IFRD1: variants seen among roughly 807,000 people sequenced by gnomAD.
IFRD1 encodes the protein interferon-related developmental regulator 1.
In IFRD1, 35 loss-of-function variants were observed where a neutral mutation model predicts 52.9. The observed-to-expected ratio is 0.66, with a 90% CI of 0.51 to 0.88. The LOEUF (loss-of-function observed/expected upper bound fraction) is 0.88, where lower values mean the gene tolerates loss of function less well. Among genes scored for constraint, IFRD1 ranks in the 40% least tolerant of loss-of-function variants. The pLI is 0.00. For synonymous variants in IFRD1, 184 were observed against 188.4 expected, an observed-to-expected ratio of 0.98 and a Z score of 0.19; for missense variants, 517 against 550.8, an observed-to-expected ratio of 0.94 and a Z score of 0.61.
intron 8 of IFRD1, among the ~76,000 whole-genome samples, chr7:112,463,414 C>T (rs1391397434): frequency 1.3e-5 from 2 of 152,108 alleles, no homozygotes; most frequent in African/African-American, 4.8e-5. Flanking sequence ...ATTCATATTC[C>T]ATTCTAGGCC....
chr7:112,445,271 T>G (rs1195929160), intron 1 of IFRD1, among the ~76,000 whole-genome samples: 1 of 151,978 alleles, frequency 6.6e-6, no homozygotes, highest in Non-Finnish European at 1.5e-5. Context: ...TTTCACCGTG[T>G]TAGCCAGGAT....
upstream of IFRD1, among the ~76,000 whole-genome samples, chr7:112,448,706 G>A (rs952869016): frequency 4.6e-5 from 7 of 152,228 alleles, no homozygotes; most frequent in African/African-American, 9.6e-5. Context: ...TGAGTAGGCC[G>A]TGTGGGGAGG....
chr7:112,465,187 CTG>C (rs1182932465), intron 8 of IFRD1, among the ~76,000 whole-genome samples: 1 of 152,164 alleles, frequency 6.6e-6, no homozygotes, highest in Non-Finnish European at 1.5e-5. Flanking sequence ...TACAGAGCCA[CTG>C]TGTCTGGCCT....
At chr7:112,459,522 G>GT (rs368833596) in intron 5 of IFRD1, among the ~76,000 whole-genome samples, 86 of 152,128 alleles carry the variant, frequency 5.7e-4, no homozygotes, top group African/African-American at 2.0e-3. Flanking sequence ...ATCCTAAGCT[G>GT]TTTTTTTAAA....
In IFRD1 at chr7:112,475,460, C is replaced by G. The variant is rs781354249; in HGVS notation, c.1297C>G (p.Arg433Gly). Residue 433 changes from arginine to glycine, a missense_variant, in exon 12 of 12, where the codon CGA (arginine) becomes GGA (glycine). Transcript: ENST00000403825. The stretch of plus-strand genomic sequence containing the variant: ...ATATAACTCTGCAGCCTTCAAAGCT[C>G]GAACCAAAGCTAGAAGCAAATGTCG... Reference protein sequence around the residue: ...HLYNSAAFKARTKARSKCRDK... With the variant: ...HLYNSAAFKAGTKARSKCRDK... The G allele has an allele frequency of 1.2e-6, 2 of 1,611,984 alleles. No individual in the cohort carries two copies. The highest frequency in any genetic ancestry group is 1.7e-6 in the Non-Finnish European group (2 of 1,178,640).
chr7:112,425,406 CT>C (rs1299981448), intron 1 of IFRD1, among the ~76,000 whole-genome samples: 1 of 152,234 alleles, frequency 6.6e-6, no homozygotes, highest in Non-Finnish European at 1.5e-5. Flanking sequence ...GGGGTCCTAG[CT>C]GGCACAAACA....
In IFRD1 at chr7:112,439,475, A is replaced by T. The variant is rs1391048632; in HGVS notation, c.-181-11033A>T. On this transcript the variant is annotated intron_variant, in intron 1 of 12. Coordinates refer to the IFRD1 transcript ENST00000005558. ...CAGAAATCTCAAGTTTAATTTTTTTAAAATATTAAAAGCATTTATTATAAT... is the reference window on the plus strand; with the variant it reads ...CAGAAATCTCAAGTTTAATTTTTTTTAAATATTAAAAGCATTTATTATAAT... 5.3e-5 allele frequency among the ~76,000 whole-genome samples: 8 copies of T among 152,346 alleles called. No individual in the cohort carries two copies. In the South Asian group the frequency reaches 1.0e-3, roughly 20 times the overall value.
At chr7:112,432,811 T>C (rs1794576406) in intron 1 of IFRD1, among the ~76,000 whole-genome samples, 1 of 152,160 alleles carries the variant, frequency 6.6e-6, no homozygotes, top group Admixed American at 6.5e-5. Context: ...AAAAGTAAAA[T>C]ACACTTACAG....
chr7:112,463,548 A>T (rs1354036110), intron 8 of IFRD1, among the ~76,000 whole-genome samples: 1 of 152,142 alleles, frequency 6.6e-6, no homozygotes, highest in Non-Finnish European at 1.5e-5. Context: ...TGTTGTCAGT[A>T]GCTAATAATT....
At chr7:112,425,677 A>G (rs1364595827) in intron 1 of IFRD1, among the ~76,000 whole-genome samples, 1 of 151,748 alleles carries the variant, frequency 6.6e-6, no homozygotes, top group Non-Finnish European at 1.5e-5. Flanking sequence ...CTATTGTGGG[A>G]CTCCTCTACC....
intron 1 of IFRD1, among the ~76,000 whole-genome samples, chr7:112,424,571 C>T (rs1161324713): frequency 6.6e-6 from 1 of 151,908 alleles, no homozygotes; most frequent in Non-Finnish European, 1.5e-5. Context: ...GCTGCCACCA[C>T]ACCAGCTAAG....
chr7:112,438,328 A>C (rs1327173400), intron 1 of IFRD1, among the ~76,000 whole-genome samples: 1 of 152,204 alleles, frequency 6.6e-6, no homozygotes, highest in Non-Finnish European at 1.5e-5. Flanking sequence ...TTAAAAGCAA[A>C]CGTGTAGGCA....
intron 1 of IFRD1, among the ~76,000 whole-genome samples, chr7:112,436,161 C>T (rs1479722652): frequency 4.6e-5 from 7 of 152,072 alleles, no homozygotes; most frequent in South Asian, 2.1e-4. Flanking sequence ...GGATTACAGG[C>T]GTGAGCCACC....
At chr7:112,458,334 T>TA (rs1491021276) in intron 4 of IFRD1, 1 of 103,410 alleles carries the variant, frequency 9.7e-6, no homozygotes, top group African/African-American at 4.4e-5. Context: ...AAAAAAAAAA[T>TA]AAATAAAGTT....
At chr7:112,452,738 G>C (rs1282623404) in intron 1 of IFRD1, among the ~76,000 whole-genome samples, 1 of 152,194 alleles carries the variant, frequency 6.6e-6, no homozygotes, top group Non-Finnish European at 1.5e-5. Context: ...GGGCTCATTT[G>C]TGACCTTTCA....
rs1795133652 is a variant in IFRD1, at chr7:112,450,710, A to G, written c.22A>G (p.Asn8Asp). ...CACGATGCCGAAGAACAAGAAGCGG[A>G]ACACTCCCCACCGCGGTAGCAGTGC... MPKNKKR[N>D]TPHRGSSAGG... is the part of the protein sequence containing the mutation. Residue 8 changes from asparagine to aspartate, a missense_variant, in exon 1 of 12, where the codon AAC (asparagine) becomes GAC (aspartate). Physicochemically the swap from Asn to Asp is conservative, Grantham distance 23 (BLOSUM62 1). Coordinates refer to ENST00000403825, the MANE Select transcript of IFRD1 (RefSeq NM_001550.4). 6.2e-7 allele frequency: 1 copy of G among 1,612,844 alleles called. No individual in the cohort carries two copies. The highest frequency in any genetic ancestry group is 8.5e-7 in the Non-Finnish European group (1 of 1,179,884).
At chr7:112,457,176 G>A in intron 4 of IFRD1, 138 bp downstream of exon 4, 3 of 853,886 alleles carry the variant, frequency 3.5e-6, no homozygotes, top group Non-Finnish European at 5.8e-6. Context: ...GCACCATCTT[G>A]TTATGGCTCA....
rs762392036 is a variant in IFRD1, at chr7:112,462,042, T to C, written c.660T>C (p.Thr220=). The C allele has an allele frequency of 2.5e-6, 4 of 1,613,304 alleles. No individual in the cohort carries two copies. The highest frequency in any genetic ancestry group is 3.3e-5 in the Admixed American group (2 of 59,950). The stretch of plus-strand genomic sequence containing the variant: ...TGGAATGTTTGGAAAATATCTTCAC[T>C]AAATCCTATCTCAAAGAGAAAGACA... The part of the protein sequence containing the change: ...STLECLENIF[T]KSYLKEKDTT... The change falls in exon 7 of 12, where the codon ACT becomes ACC. Residue 220 remains threonine, a synonymous_variant. Transcript: ENST00000403825.
At chr7:112,451,048 A>T in intron 1 of IFRD1, 1 of 492,908 alleles carries the variant, frequency 2.0e-6, no homozygotes, top group Non-Finnish European at 3.7e-6. Context: ...GTGTGTCGGG[A>T]CAGGGGCTGA....
Sources: allele counts gnomAD v4.1 joint callset (sites outside exome capture counted in the v4.1 genomes callset), GRCh38; gene constraint gnomAD v4.1.1; transcripts MANE v1.5; gene names NCBI Gene and HGNC (gene_info 2026-07-23, HGNC 2026-07-21).